Variants in SBNO1 observed in about 807,000 individuals in gnomAD.
SBNO1 encodes the protein protein strawberry notch homolog 1.
In SBNO1, 23 loss-of-function variants were observed where a neutral mutation model predicts 173.6. That is an observed-to-expected ratio of 0.13 (90% CI 0.10 to 0.19). The LOEUF is 0.19. Among genes scored for constraint, SBNO1 ranks in the 10% least tolerant of loss-of-function variants. The pLI is 1.00. For missense variants in SBNO1, 1,238 were observed against 1,671.2 expected (o/e 0.74, Z 4.52); for synonymous variants, 632 against 571.5 (o/e 1.11, Z -1.51).
intron 4 of SBNO1, among the ~76,000 whole-genome samples, chr12:123,342,070 G>T (rs768169133): frequency 6.6e-6 from 1 of 151,716 alleles, no homozygotes; most frequent in Non-Finnish European, 1.5e-5. Context: ...TTGGGAGGCC[G>T]AGGAGGCCCA....
At chr12:123,349,816 G>C (rs1873668527) in intron 2 of SBNO1, among the ~76,000 whole-genome samples, 1 of 152,060 alleles carries the variant, frequency 6.6e-6, no homozygotes, top group Admixed American at 6.6e-5. Context: ...TCAGGAGGCT[G>C]AGGCAAGAGA....
intron 20 of SBNO1, 93 bp from the exon 21 acceptor site, chr12:123,317,449 C>A: frequency 9.4e-7 from 1 of 1,058,376 alleles, no homozygotes; most frequent in South Asian, 1.4e-5. Context: ...TGCCTATTCT[C>A]TCCTTCTTTC....
At position 123,315,560 on chromosome 12, in the gene SBNO1, T is replaced by C; in HGVS notation, c.3036A>G (p.Arg1012=). 1 of 1,611,180 alleles carries C rather than the reference T, an allele frequency of 6.2e-7. No homozygotes were observed. Among genetic ancestry groups the C allele is most frequent in the African/African-American group, 1.3e-5 (1 of 74,970 alleles). ...CTCCAAAACTCACCAAACTCTCAAGTCTTTTAGCAACAATAGATGCAAATC... is the reference window on the plus strand; with the variant it reads ...CTCCAAAACTCACCAAACTCTCAAGCCTTTTAGCAACAATAGATGCAAATC... ...EQRFASIVAK[R]LESLGALTHG... The change falls in exon 22 of 32, where the codon AGA becomes AGG. Residue 1012 remains arginine (R), a synonymous_variant. Transcript: ENST00000602398.
chr12:123,312,100 G>A (rs1350916647), intron 24 of SBNO1, among the ~76,000 whole-genome samples: 1 of 148,124 alleles, frequency 6.8e-6, no homozygotes, highest in Admixed American at 6.7e-5. Context: ...TTTTTTCTGA[G>A]ACAGGGTCTC....
Position 123,326,181 on chromosome 12 carries a change from G to A in SBNO1, c.1846C>T (p.Leu616=). Residue 616 remains leucine, a synonymous_variant, in exon 14 of 32, where the codon CTA becomes TTA. Coordinates refer to ENST00000602398, the MANE Select transcript of SBNO1 (RefSeq NM_001167856.3). The part of the protein sequence containing the change: ...IASKVKRVVQ[L]AREEIKNGKC... ...CCATTCTTGATTTCCTCTCGAGCTA[G>A]TTGCACAACCCTTTTAACTTTGGAT... is the stretch of plus-strand genomic sequence containing the variant. The A allele has an allele frequency of 1.2e-6, 2 of 1,608,912 alleles. No individual in the cohort carries two copies. Among genetic ancestry groups the A allele is most frequent in the Non-Finnish European group, 1.7e-6 (2 of 1,177,070 alleles).
chr12:123,350,248 T>C (rs1873722160), intron 2 of SBNO1, 62 bp downstream of exon 2: 4 of 1,594,878 alleles, frequency 2.5e-6, no homozygotes, highest in Non-Finnish European at 3.4e-6. Context: ...AGTGAGACTA[T>C]CTTAAAAAAA....
Position 123,345,355 on chromosome 12 carries a change from T to C in SBNO1, c.453A>G (p.Gln151=), listed in dbSNP as rs1873004724. The change falls in exon 4 of 32, where the codon CAA becomes CAG. Residue 151 remains glutamine, a synonymous_variant. Transcript: ENST00000602398. The part of the protein sequence containing the change: ...NAMTSAPSKD[Q]VQLKDLLKNN... The stretch of plus-strand genomic sequence containing the variant: ...TTTTCAGTAGATCTTTAAGCTGAAC[T>C]TGGTCTTTTGAAGGTGCAGAGGTCA... 4 of 1,614,178 alleles carry C rather than the reference T, an allele frequency of 2.5e-6. No homozygotes were observed. Among genetic ancestry groups the C allele is most frequent in the Non-Finnish European group, 3.4e-6 (4 of 1,180,000 alleles).
intron 2 of SBNO1, chr12:123,349,171 T>C (rs9284166): frequency 0.95 from 144,856 of 152,060 alleles, 69,128 homozygotes; most frequent in Non-Finnish European, 0.96. Flanking sequence ...ACGATAACAA[T>C]TCACAACAGC....
intron 4 of SBNO1, among the ~76,000 whole-genome samples, chr12:123,344,993 A>G (rs1006584055): frequency 6.6e-6 from 1 of 152,254 alleles, no homozygotes. Flanking sequence ...CTGACTACCT[A>G]TAATATATAA....
At chr12:123,323,989 T>C (rs1484369017) in intron 15 of SBNO1, among the ~76,000 whole-genome samples, 158 bp from the exon 16 acceptor site, 1 of 152,186 alleles carries the variant, frequency 6.6e-6, no homozygotes, top group Non-Finnish European at 1.5e-5. Context: ...GCTGTCCAAC[T>C]AAATAATAAG....
chr12:123,323,937 C>A, intron 15 of SBNO1, 106 bp from the exon 16 acceptor site: 1 of 822,274 alleles, frequency 1.2e-6, no homozygotes, highest in Non-Finnish European at 1.7e-6. Flanking sequence ...TTACAAAATA[C>A]TGATAAACGA....
At chr12:123,316,724 A>C (rs1593351339) in intron 21 of SBNO1, among the ~76,000 whole-genome samples, 1 of 111,878 alleles carries the variant, frequency 8.9e-6, no homozygotes, top group African/African-American at 3.2e-5. Flanking sequence ...TTTTTTTGAG[A>C]TGGAATCTCC....
intron 28 of SBNO1, among the ~76,000 whole-genome samples, chr12:123,305,988 C>T (rs1166866686): frequency 1.3e-5 from 2 of 152,164 alleles, no homozygotes; most frequent in Admixed American, 6.5e-5. Flanking sequence ...CACAATAAAT[C>T]ATTGTTTGCG....
chr12:123,302,647 T>C (rs1316342312), intron 30 of SBNO1, among the ~76,000 whole-genome samples, 177 bp downstream of exon 30: 1 of 152,162 alleles, frequency 6.6e-6, no homozygotes, highest in Non-Finnish European at 1.5e-5. Context: ...AGGAGGTACA[T>C]AAACTAAACA....
At chr12:123,355,083 CG>C (rs1347950257) in intron 1 of SBNO1, among the ~76,000 whole-genome samples, 1 of 151,834 alleles carries the variant, frequency 6.6e-6, no homozygotes, top group Non-Finnish European at 1.5e-5. Context: ...TGCAGTGGCG[CG>C]ATCTCAGCTC....
At chr12:123,360,207 T>C (rs372695038) in intron 1 of SBNO1, among the ~76,000 whole-genome samples, 110 of 150,242 alleles carry the variant, frequency 7.3e-4, no homozygotes, top group African/African-American at 2.5e-3. Context: ...GGTTGCACCA[T>C]TGCACTCCAG....
chr12:123,363,743 A>T, intron 1 of SBNO1: 1 of 551,080 alleles, frequency 1.8e-6, no homozygotes, highest in Non-Finnish European at 2.3e-6. Flanking sequence ...AAAGCCTCCC[A>T]CAGTAAACCG....
At position 123,330,405 on chromosome 12, in the gene SBNO1, A is replaced by G. The variant is rs767575104; in HGVS notation, c.1134+14T>C. On this transcript the variant is annotated intron_variant, in intron 9 of 31. Coordinates refer to ENST00000602398, the MANE Select transcript of SBNO1 (RefSeq NM_001167856.3). ...TATTTATTGAATGACCAACTGAATA[A>G]AAAGATTTCATACCTTATTTAACGA... The G allele has an allele frequency of 7.0e-7, 1 of 1,426,176 alleles. No individual in the cohort carries two copies. The highest frequency in any genetic ancestry group is 9.8e-7 in the Non-Finnish European group (1 of 1,017,874). The allele number at this position is 1,426,176 out of a possible 1,614,324, so 88.3% of individuals were successfully genotyped here.
chr12:123,328,038 T>A lies in SBNO1; in HGVS notation c.1297-11A>T, dbSNP rs753835734. 1 of 1,596,608 alleles carries A rather than the reference T, an allele frequency of 6.3e-7. No homozygotes were observed. Among genetic ancestry groups the A allele is most frequent in the South Asian group, 1.1e-5 (1 of 89,518 alleles). On this transcript the variant is annotated splice_polypyrimidine_tract_variant and intron_variant, in intron 10 of 31. Coordinates refer to ENST00000602398, the MANE Select transcript of SBNO1 (RefSeq NM_001167856.3). ...CTCATCAAACACTATCTAAATGGAA[T>A]GAGTTAAGGAATGTATCACATTAGT... is the stretch of plus-strand genomic sequence containing the variant.
Sources: allele counts gnomAD v4.1 joint callset (sites outside exome capture counted in the v4.1 genomes callset), GRCh38; gene constraint gnomAD v4.1.1; transcripts MANE v1.5; gene names NCBI Gene and HGNC (gene_info 2026-07-23, HGNC 2026-07-21).